TMPRSS15: variants seen among roughly 807,000 people sequenced by gnomAD.
TMPRSS15 encodes the protein transmembrane serine protease 15.
Under a neutral mutation model 125.3 loss-of-function variants are expected in TMPRSS15, and 128 were observed. The ratio of observed to expected loss-of-function variants is 1.02; its 90% confidence interval spans 0.89 to 1.18. TMPRSS15 has a LOEUF of 1.18. Among genes scored for constraint, TMPRSS15 ranks in the 50% most tolerant of loss-of-function variants. TMPRSS15 has a pLI of 0.00. For synonymous variants in TMPRSS15, 446 were observed against 423.2 expected, an observed-to-expected ratio of 1.05 and a Z score of -0.66; for missense variants, 1,283 against 1,212.7, an observed-to-expected ratio of 1.06 and a Z score of -0.86.
chr21:18,301,368 T>A lies in TMPRSS15; in HGVS notation c.2166-3539A>T, dbSNP rs147579521. ...AAGTTTACAACAAACTATTCCTTAT[T>A]TTAAGAAATCACGAGGCAATAAATA... On this transcript the variant is annotated intron_variant, in intron 18 of 24. Transcript: ENST00000284885. Among the ~76,000 whole-genome samples the A allele has an allele frequency of 6.1e-3, 930 of 152,278 alleles. 9 individuals carry two copies. The highest frequency in any genetic ancestry group is 0.021 in the African/African-American group (866 of 41,546).
Position 18,289,299 on chromosome 21 carries a change from G to T in TMPRSS15, c.2486+4971C>A, listed in dbSNP as rs924245709. ...AGGCTGAGGTGGGCGGATCACCTGA[G>T]GTTGGGCTTTCAAGACCAGCCTGAC... On this transcript the variant is annotated intron_variant, in intron 21 of 24. Coordinates refer to ENST00000284885, the MANE Select transcript of TMPRSS15 (RefSeq NM_002772.3). 2.0e-4 allele frequency among the ~76,000 whole-genome samples: 30 copies of T among 152,168 alleles called. 1 individual carries two copies.
At chr21:18,483,724 T>C (rs1979028077) in intron 1 of TMPRSS15, among the ~76,000 whole-genome samples, 1 of 151,920 alleles carries the variant, frequency 6.6e-6, no homozygotes, top group South Asian at 2.1e-4. Context: ...TCATCTCACT[T>C]TTCTAGACTT....
chr21:18,286,495 C>T (rs961466316), intron 21 of TMPRSS15, among the ~76,000 whole-genome samples: 11 of 152,194 alleles, frequency 7.2e-5, no homozygotes, highest in African/African-American at 2.7e-4. Context: ...TCTTTCCAAT[C>T]TGATTTCTTC....
intron 6 of TMPRSS15, among the ~76,000 whole-genome samples, chr21:18,367,579 T>C (rs982411120): frequency 4.6e-5 from 7 of 152,164 alleles, no homozygotes; most frequent in African/African-American, 1.4e-4. Context: ...GACTCAAAGA[T>C]TGTAGACAGT....
chr21:18,283,703 T>C (rs983544308), intron 21 of TMPRSS15, among the ~76,000 whole-genome samples: 1 of 152,116 alleles, frequency 6.6e-6, no homozygotes, highest in African/African-American at 2.4e-5. Flanking sequence ...ATATTTTATC[T>C]TCAGAATTTT....
intron 1 of TMPRSS15, among the ~76,000 whole-genome samples, chr21:18,444,940 C>T (rs1476672130): frequency 6.6e-6 from 1 of 152,084 alleles, no homozygotes; most frequent in Non-Finnish European, 1.5e-5. Context: ...ATGAGTGAGA[C>T]AACAAAATTA....
exon 1 of TMPRSS15, chr21:18,485,814 G>A (rs1370980235): frequency 6.2e-6 from 1 of 161,670 alleles, no homozygotes; most frequent in Non-Finnish European, 1.3e-5. Flanking sequence ...CACATGGCTG[G>A]AGAGGCCTCA....
chr21:18,438,496 A>G (rs966987225), intron 1 of TMPRSS15, among the ~76,000 whole-genome samples: 1 of 152,162 alleles, frequency 6.6e-6, no homozygotes, highest in Non-Finnish European at 1.5e-5. Context: ...AACAAAAAAC[A>G]TTATTAATTT....
rs771004816 is a variant in TMPRSS15, at chr21:18,278,977, C to T, written c.2751G>A (p.Thr917=). The part of the protein sequence containing the change: ...GRNCSIAGWG[T]VVYQGTTANI... ...CTGATAATTTACCTTGATATACAACCGTCCCCCAACCAGCAATAGAACAAT... is the reference window on the plus strand; with the variant it reads ...CTGATAATTTACCTTGATATACAACTGTCCCCCAACCAGCAATAGAACAAT... The change falls in exon 23 of 25, where the codon ACG becomes ACA. Residue 917 remains threonine (T), a synonymous_variant. Transcript: ENST00000284885. The T allele has an allele frequency of 6.4e-6, 9 of 1,409,086 alleles. No homozygotes were observed. Among genetic ancestry groups the T allele is most frequent in the Middle Eastern group, 1.9e-4 (1 of 5,326 alleles). The allele number at this position is 1,409,086 out of a possible 1,614,324, so 87.3% of individuals were successfully genotyped here. A position where few individuals can be genotyped will look rare whatever the true frequency, so the allele number is the denominator to read the frequency against.
intron 3 of TMPRSS15, 83 bp downstream of exon 3, chr21:18,397,796 T>C (rs2076053344): frequency 4.1e-6 from 3 of 736,212 alleles, no homozygotes; most frequent in Non-Finnish European, 4.5e-6. Context: ...CCTCTTTTCC[T>C]ATATATAGTG....
intron 22 of TMPRSS15, among the ~76,000 whole-genome samples, chr21:18,280,443 T>A (rs1216725322): frequency 6.6e-6 from 1 of 151,786 alleles, no homozygotes; most frequent in Non-Finnish European, 1.5e-5. Flanking sequence ...TAGCTGGGCA[T>A]CATGGCATGC....
At chr21:18,456,843 G>A (rs1978451185) in intron 1 of TMPRSS15, among the ~76,000 whole-genome samples, 2 of 152,160 alleles carry the variant, frequency 1.3e-5, no homozygotes, top group East Asian at 1.9e-4. Context: ...ACAAAGTTAT[G>A]AGTAATTATT....
chr21:18,272,476 C>CACTT (rs1399910184), intron 24 of TMPRSS15, among the ~76,000 whole-genome samples: 1 of 152,094 alleles, frequency 6.6e-6, no homozygotes, highest in African/African-American at 2.4e-5. Flanking sequence ...GTGATCACAG[C>CACTT]ACTTTGGGAG....
chr21:18,411,169 A>G (rs2123169390), intron 1 of TMPRSS15, among the ~76,000 whole-genome samples: 1 of 152,322 alleles, frequency 6.6e-6, no homozygotes, highest in Non-Finnish European at 1.5e-5. Flanking sequence ...GTCCTTAAGT[A>G]TGATACATGC....
At chr21:18,461,505 T>C (rs1354588520) in intron 1 of TMPRSS15, among the ~76,000 whole-genome samples, 1 of 152,134 alleles carries the variant, frequency 6.6e-6, no homozygotes, top group African/African-American at 2.4e-5. Flanking sequence ...ATGAATCTTG[T>C]AGCATGAATA....
At chr21:18,364,985 T>C (rs2075712824) in intron 7 of TMPRSS15, among the ~76,000 whole-genome samples, 155 bp downstream of exon 7, 1 of 152,226 alleles carries the variant, frequency 6.6e-6, no homozygotes, top group African/African-American at 2.4e-5. Flanking sequence ...TTAAAAATGA[T>C]AGTATAGTTT....
intron 1 of TMPRSS15, among the ~76,000 whole-genome samples, chr21:18,479,718 C>T (rs1043798248): frequency 2.0e-5 from 3 of 151,816 alleles, no homozygotes; most frequent in African/African-American, 7.3e-5. Context: ...GAATGGCGAT[C>T]ATTAAAAAGT....
intron 21 of TMPRSS15, among the ~76,000 whole-genome samples, chr21:18,293,216 C>G (rs892847059): frequency 6.6e-6 from 1 of 152,200 alleles, no homozygotes; most frequent in Non-Finnish European, 1.5e-5. Context: ...CTGTGTCTGA[C>G]AGTTGGTCTT....
chr21:18,315,971 T>A (rs1601324068), intron 16 of TMPRSS15, among the ~76,000 whole-genome samples: 2 of 148,992 alleles, frequency 1.3e-5, no homozygotes, highest in East Asian at 3.9e-4. Context: ...TGTATACACA[T>A]GTAACAAACC....
Sources: gnomAD v4.1 joint callset for allele counts (sites outside exome capture counted in the v4.1 genomes callset) on GRCh38, gnomAD v4.1.1 for gene constraint, MANE v1.5 for transcripts, NCBI Gene and HGNC (gene_info 2026-07-23, HGNC 2026-07-21) for gene names.